SMYD3: variants seen among roughly 807,000 people sequenced by gnomAD.
SMYD3 encodes histone-lysine N-methyltransferase SMYD3.
Under a neutral mutation model 57.7 loss-of-function variants are expected in SMYD3, and 36 were observed. That is an observed-to-expected ratio of 0.62 (90% CI 0.48 to 0.82). SMYD3 has a LOEUF of 0.82. Among genes scored for constraint, SMYD3 ranks in the 40% least tolerant of loss-of-function variants. SMYD3 has a pLI of 0.00. For missense variants in SMYD3, 515 were observed against 538.8 expected (o/e 0.96, Z 0.44); for synonymous variants, 211 against 195.0 (o/e 1.08, Z -0.68).
intron 5 of SMYD3, among the ~76,000 whole-genome samples, chr1:246,135,651 C>T (rs761222112): frequency 1.3e-4 from 20 of 152,238 alleles, no homozygotes; most frequent in South Asian, 1.0e-3. Flanking sequence ...CACACACACA[C>T]ACATACGTGT....
chr1:246,402,464 G>C (rs527591953), intron 1 of SMYD3, among the ~76,000 whole-genome samples: 3 of 151,570 alleles, frequency 2.0e-5, no homozygotes. Flanking sequence ...AAATAGAAGG[G>C]TTAGAGAGGT....
chr1:246,216,188 G>A (rs2063160340), intron 5 of SMYD3, among the ~76,000 whole-genome samples: 1 of 151,800 alleles, frequency 6.6e-6, no homozygotes, highest in African/African-American at 2.4e-5. Context: ...TCAGGAGGCT[G>A]AGGCAGGAGA....
At chr1:246,099,805 A>T (rs2060977696) in intron 5 of SMYD3, among the ~76,000 whole-genome samples, 1 of 152,168 alleles carries the variant, frequency 6.6e-6, no homozygotes, top group African/African-American at 2.4e-5. Context: ...GCCAATTCTC[A>T]TTACCTCATC....
chr1:246,473,519 T>C (rs2067988124), intron 1 of SMYD3, among the ~76,000 whole-genome samples: 6 of 152,246 alleles, frequency 3.9e-5, no homozygotes, highest in Admixed American at 3.9e-4. Context: ...ATAAGGTCAG[T>C]TGCTTCTAGC....
intron 2 of SMYD3, among the ~76,000 whole-genome samples, chr1:246,336,310 A>T (rs1446595562): frequency 6.6e-6 from 1 of 152,232 alleles, no homozygotes; most frequent in Non-Finnish European, 1.5e-5. Context: ...TCTAATATTT[A>T]GCCCTGGTGA....
Position 245,750,174 on chromosome 1 carries a change from T to A in SMYD3, c.1186-510A>T, listed in dbSNP as rs144017100. On this transcript the variant is annotated intron_variant, in intron 11 of 11. Transcript: ENST00000490107. ...TCATATTTGGTCCATTATTAAATCT[T>A]GTCAACTCTTATCTTCAAAATATTT... 1.6e-4 allele frequency among the ~76,000 whole-genome samples: 25 copies of A among 152,336 alleles called. No homozygotes were observed. The East Asian group carries it at 4.2e-3, about 26-fold the overall frequency.
chr1:246,238,893 GTTT>G (rs35415664), intron 5 of SMYD3, among the ~76,000 whole-genome samples: 1 of 133,138 alleles, frequency 7.5e-6, no homozygotes, highest in African/African-American at 2.8e-5. Context: ...TCTTTGTTTG[GTTT>G]TTTTTTTTTT....
chr1:245,800,598 A>G (rs1192109067), intron 10 of SMYD3, among the ~76,000 whole-genome samples: 1 of 152,234 alleles, frequency 6.6e-6, no homozygotes, highest in Non-Finnish European at 1.5e-5. Context: ...CTACGTAAAT[A>G]AGCCATTAAC....
At chr1:246,173,720 G>T (rs564220979) in intron 5 of SMYD3, among the ~76,000 whole-genome samples, 1 of 152,260 alleles carries the variant, frequency 6.6e-6, no homozygotes, top group Admixed American at 6.5e-5. Flanking sequence ...GTCAATAAAG[G>T]CATGGAGCTG....
rs572032504 is a variant in SMYD3 at position 245,844,993 on chromosome 1, T to C, written c.1076+13503A>G. 3.3e-5 allele frequency among the ~76,000 whole-genome samples: 5 copies of C among 152,356 alleles called. No homozygotes were observed. The East Asian group carries it at 9.6e-4, about 29-fold the overall frequency. ...TCTCCAGCCTATTATTGAATTTTAC[T>C]TCCAAATGAAGACTTTTCCGTGTAC... On this transcript the variant is annotated intron_variant, in intron 10 of 11. Transcript: ENST00000490107.
chr1:246,486,665 A>T (rs2068192870), intron 1 of SMYD3, among the ~76,000 whole-genome samples: 1 of 152,194 alleles, frequency 6.6e-6, no homozygotes, highest in Non-Finnish European at 1.5e-5. Flanking sequence ...CAAATCTAGC[A>T]AATGGAAGCA....
chr1:245,980,445 T>C (rs2058567215), intron 5 of SMYD3, among the ~76,000 whole-genome samples: 1 of 152,134 alleles, frequency 6.6e-6, no homozygotes, highest in African/African-American at 2.4e-5. Flanking sequence ...AACGAAGTCA[T>C]TGTGTTGGAA....
intron 5 of SMYD3, among the ~76,000 whole-genome samples, chr1:246,294,040 C>G (rs2064747523): frequency 6.6e-6 from 1 of 152,144 alleles, no homozygotes. Flanking sequence ...CCACTTTACT[C>G]CCTCTCAGTC....
chr1:246,181,065 G>A (rs141867801), intron 5 of SMYD3, among the ~76,000 whole-genome samples: 1 of 152,080 alleles, frequency 6.6e-6, no homozygotes, highest in East Asian at 1.9e-4. Flanking sequence ...CTCTCCACAT[G>A]CATTCCCATC....
intron 5 of SMYD3, among the ~76,000 whole-genome samples, chr1:246,324,474 C>T (rs1052905049): frequency 6.7e-6 from 1 of 148,494 alleles, no homozygotes; most frequent in African/African-American, 2.5e-5. Flanking sequence ...TGTCTATTAT[C>T]TGCACAGAAC....
At chr1:246,356,632 G>C (rs1238164933) in intron 1 of SMYD3, among the ~76,000 whole-genome samples, 3 of 152,082 alleles carry the variant, frequency 2.0e-5, no homozygotes, top group Non-Finnish European at 2.9e-5. Flanking sequence ...GAAACACTTA[G>C]AGAAATGCAA....
At chr1:246,255,975 T>C (rs12122710) in intron 5 of SMYD3, among the ~76,000 whole-genome samples, 11,968 of 135,884 alleles carry the variant, frequency 0.088, 625 homozygotes, top group East Asian at 0.25. Flanking sequence ...GATAGATAGA[T>C]AGATAGATAG....
intron 5 of SMYD3, among the ~76,000 whole-genome samples, chr1:245,968,760 G>A (rs925418801): frequency 3.3e-5 from 5 of 152,106 alleles, no homozygotes; most frequent in African/African-American, 4.8e-5. Context: ...CAAACCACGC[G>A]TTTCCCATAT....
chr1:245,783,557 C>CAA (rs147535184), intron 10 of SMYD3, among the ~76,000 whole-genome samples: 20 of 146,122 alleles, frequency 1.4e-4, no homozygotes, highest in South Asian at 4.4e-4. Context: ...TGTAATAAGG[C>CAA]AAAAAAAAAA....
Sources: gnomAD v4.1 joint callset for allele counts (sites outside exome capture counted in the v4.1 genomes callset) on GRCh38, gnomAD v4.1.1 for gene constraint, MANE v1.5 for transcripts, NCBI Gene and HGNC (gene_info 2026-07-23, HGNC 2026-07-21) for gene names.